The following DPP10 variants were observed in gnomAD, a reference collection of about 807,000 sequenced individuals.
DPP10 encodes dipeptidyl peptidase like 10.
Under a neutral mutation model 120.9 loss-of-function variants are expected in DPP10, and 33 were observed. The observed-to-expected ratio is 0.27, with a 90% CI of 0.21 to 0.37. The LOEUF (loss-of-function observed/expected upper bound fraction) is 0.37, where lower values mean the gene tolerates loss of function less well. Ranked by LOEUF, DPP10 falls within the 10% of genes least tolerant of loss-of-function variation. The probability of loss-of-function intolerance (pLI) is 1.00; values close to 1 mark genes in which losing one functional copy is unlikely to be tolerated. For synonymous variants in DPP10, 337 were observed against 326.1 expected (o/e 1.03, Z -0.36); for missense variants, 816 against 942.8 (o/e 0.87, Z 1.76).
At chr2:115,283,211 A>T (rs1370224909) in intron 1 of DPP10, among the ~76,000 whole-genome samples, 1 of 152,080 alleles carries the variant, frequency 6.6e-6, no homozygotes, top group Non-Finnish European at 1.5e-5. Flanking sequence ...ATATCACTCA[A>T]TTACGGTATT....
At chr2:114,590,232 A>T (rs959263430) in intron 1 of DPP10, among the ~76,000 whole-genome samples, 4 of 152,136 alleles carry the variant, frequency 2.6e-5, no homozygotes, top group African/African-American at 9.7e-5. Context: ...AATTTTACTG[A>T]AATCTTATAT....
intron 1 of DPP10, among the ~76,000 whole-genome samples, chr2:115,202,252 T>C (rs530411857): frequency 6.6e-6 from 1 of 152,262 alleles, no homozygotes; most frequent in East Asian, 1.9e-4. Flanking sequence ...TAATTAAAAC[T>C]TTAAAGCAAT....
intron 7 of DPP10, among the ~76,000 whole-genome samples, chr2:115,711,915 G>GTTTTTTTTTT (rs1491280011): frequency 3.1e-5 from 3 of 96,986 alleles, no homozygotes; most frequent in African/African-American, 1.3e-4. Context: ...AAAATGGTCT[G>GTTTTTTTTTT]GTTTTTTTTT....
At chr2:114,925,898 C>T (rs373007503) in intron 1 of DPP10, among the ~76,000 whole-genome samples, 1 of 152,310 alleles carries the variant, frequency 6.6e-6, no homozygotes, top group South Asian at 2.1e-4. Context: ...ATTATTCAAG[C>T]AGACAGTCTG....
At chr2:115,151,121 T>C (rs2051520964) in intron 1 of DPP10, among the ~76,000 whole-genome samples, 2 of 152,194 alleles carry the variant, frequency 1.3e-5, no homozygotes, top group South Asian at 4.1e-4. Context: ...AAATTCAGTT[T>C]TACTGAATAT....
chr2:115,459,492 A>G (rs1303782277), intron 3 of DPP10, among the ~76,000 whole-genome samples: 1 of 152,124 alleles, frequency 6.6e-6, no homozygotes, highest in Admixed American at 6.6e-5. Context: ...TTCTAACCAC[A>G]TGAAAGAGTT....
chr2:114,526,289 G>T (rs1685490575), intron 1 of DPP10, among the ~76,000 whole-genome samples: 1 of 152,166 alleles, frequency 6.6e-6, no homozygotes, highest in Non-Finnish European at 1.5e-5. Context: ...GAAAATATGG[G>T]CTCCTTGCTT....
chr2:115,476,433 A>C (rs1260204539), intron 3 of DPP10, among the ~76,000 whole-genome samples: 2 of 152,184 alleles, frequency 1.3e-5, no homozygotes, highest in East Asian at 3.9e-4. Context: ...GAGACAATTA[A>C]ACCTCTTTTC....
chr2:114,601,932 AC>A (rs1026485452), intron 1 of DPP10, among the ~76,000 whole-genome samples: 2 of 152,006 alleles, frequency 1.3e-5, no homozygotes, highest in Admixed American at 1.3e-4. Context: ...ATGAGATTGC[AC>A]ACTTAAAAAT....
intron 2 of DPP10, among the ~76,000 whole-genome samples, chr2:115,312,211 G>C (rs756600239): frequency 1.2e-4 from 19 of 152,158 alleles, no homozygotes; most frequent in Non-Finnish European, 2.1e-4. Context: ...GTAGGAAGCA[G>C]ACACCCTACT....
intron 3 of DPP10, among the ~76,000 whole-genome samples, chr2:115,371,297 T>G (rs1414024549): frequency 6.6e-6 from 1 of 152,160 alleles, no homozygotes; most frequent in Non-Finnish European, 1.5e-5. Context: ...TTTCTGCAAT[T>G]TAAGTATAAT....
At chr2:114,465,279 G>T (rs1240364991) in intron 1 of DPP10, among the ~76,000 whole-genome samples, 3 of 152,364 alleles carry the variant, frequency 2.0e-5, no homozygotes, top group Admixed American at 6.5e-5. Context: ...GCCTGACGGA[G>T]TGTAGCACTC....
chr2:115,521,471 C>T (rs2077802686), intron 4 of DPP10, among the ~76,000 whole-genome samples: 1 of 152,116 alleles, frequency 6.6e-6, no homozygotes, highest in East Asian at 1.9e-4. Context: ...AAACTTTCCT[C>T]AAAATATGCC....
At chr2:115,234,048 A>T in intron 1 of DPP10, 1 of 459,346 alleles carries the variant, frequency 2.2e-6, no homozygotes, top group Non-Finnish European at 4.2e-6. Flanking sequence ...AGAAAGGGAC[A>T]TTTTAATAAG....
At chr2:114,915,973 G>T (rs769090663) in intron 1 of DPP10, among the ~76,000 whole-genome samples, 5 of 151,574 alleles carry the variant, frequency 3.3e-5, no homozygotes, top group Non-Finnish European at 5.9e-5. Flanking sequence ...CCTAGCAGAA[G>T]AAATAACCAA....
At chr2:114,594,054 T>C (rs535572650) in intron 1 of DPP10, among the ~76,000 whole-genome samples, 95 of 152,240 alleles carry the variant, frequency 6.2e-4, no homozygotes, top group Middle Eastern at 3.4e-3. Context: ...GGTGTGTCTA[T>C]GAGGGCGTTG....
Position 114,965,663 on chromosome 2 carries a change from T to C in DPP10, c.61-343576T>C, listed in dbSNP as rs542097348. ...AGATCTACAAATTACCTGAGAGGCA[T>C]ACCTATGTTTCCACGTCAGAAAGAT... On this transcript the variant is annotated intron_variant, in intron 1 of 25. Coordinates refer to ENST00000410059, the MANE Select transcript of DPP10 (RefSeq NM_020868.6). Among the ~76,000 whole-genome samples, 18 of 152,012 alleles carry C rather than the reference T, an allele frequency of 1.2e-4. No homozygotes were observed. The South Asian group carries it at 2.3e-3, about 19-fold the overall frequency.
chr2:115,575,582 G>A (rs1251872205), intron 5 of DPP10, among the ~76,000 whole-genome samples: 1 of 152,166 alleles, frequency 6.6e-6, no homozygotes, highest in Non-Finnish European at 1.5e-5. Context: ...AGAACTGCCC[G>A]AAGCAGAATT....
chr2:114,454,061 G>T (rs1678431088), intron 1 of DPP10, among the ~76,000 whole-genome samples: 1 of 152,138 alleles, frequency 6.6e-6, no homozygotes, highest in African/African-American at 2.4e-5. Flanking sequence ...ACAATGGCAA[G>T]AAAAATGTGC....
Sources: allele counts gnomAD v4.1 joint callset (sites outside exome capture counted in the v4.1 genomes callset), GRCh38; gene constraint gnomAD v4.1.1; transcripts MANE v1.5; gene names NCBI Gene and HGNC (gene_info 2026-07-23, HGNC 2026-07-21).